NXPE2: variants seen among roughly 807,000 people sequenced by gnomAD.
The protein encoded by NXPE2 is neurexophilin and PC-esterase domain family member 2, also known as NXPE family member 2.
A neutral mutation model predicts 34.4 loss-of-function variants in NXPE2; 34 were observed. The observed-to-expected ratio is 0.99, with a 90% CI of 0.75 to 1.31. NXPE2 has a LOEUF of 1.31. Ranked by LOEUF, NXPE2 falls within the 40% of genes most tolerant of loss-of-function variation. The probability of loss-of-function intolerance (pLI) is 0.00; values close to 1 mark genes in which losing one functional copy is unlikely to be tolerated. For synonymous variants in NXPE2, 235 were observed against 231.3 expected (o/e 1.02, Z -0.15); for missense variants, 649 against 672.5 (o/e 0.97, Z 0.39).
the NXPE2 span, among the ~76,000 whole-genome samples, chr11:114,547,476 T>C: frequency 4.4e-3 from 668 of 152,324 alleles, 10 homozygotes; most frequent in African/African-American, 0.015. Context: ...GGCTCACGCC[T>C]GTAATCCCAG....
the NXPE2 span, among the ~76,000 whole-genome samples, chr11:114,722,415 C>CTT: frequency 1.4e-4 from 21 of 146,390 alleles, no homozygotes; most frequent in African/African-American, 5.0e-4. Flanking sequence ...AATTAAACCT[C>CTT]TTTTTTTTTT....
At chr11:114,512,461 T>G in the NXPE2 span, among the ~76,000 whole-genome samples, 2 of 151,908 alleles carry the variant, frequency 1.3e-5, no homozygotes, top group African/African-American at 2.4e-5. Flanking sequence ...GCCACGTAAG[T>G]TTAATAAAGG....
chr11:114,678,151 G>A (rs76649765), upstream of NXPE2, among the ~76,000 whole-genome samples: 3 of 152,070 alleles, frequency 2.0e-5, no homozygotes, highest in Non-Finnish European at 4.4e-5. Flanking sequence ...TTCAGGAACC[G>A]TGGACTCAGG....
the NXPE2 span, among the ~76,000 whole-genome samples, chr11:114,811,654 G>A: frequency 2.0e-5 from 3 of 152,314 alleles, no homozygotes; most frequent in East Asian, 3.9e-4. Flanking sequence ...GGACTTACAA[G>A]TGCAAACCCC....
At chr11:114,527,906 A>C in the NXPE2 span, 3 of 930,632 alleles carry the variant, frequency 3.2e-6, no homozygotes, top group Non-Finnish European at 4.2e-6. Context: ...TTGGACCTTC[A>C]AAAAAAAAAT....
chr11:114,530,244 A>G, the NXPE2 span: 1 of 1,614,124 alleles, frequency 6.2e-7, no homozygotes, highest in South Asian at 1.1e-5. Flanking sequence ...CATGTAGGTC[A>G]GAGCCTCACA....
At chr11:114,700,678 A>C (rs868174717) in intron 3 of NXPE2, among the ~76,000 whole-genome samples, 4 of 152,214 alleles carry the variant, frequency 2.6e-5, no homozygotes, top group Non-Finnish European at 4.4e-5. Flanking sequence ...TGAATAAAAA[A>C]AAATAAGTAA....
the NXPE2 span, among the ~76,000 whole-genome samples, chr11:114,756,370 G>A: frequency 6.6e-6 from 1 of 152,150 alleles, no homozygotes; most frequent in Non-Finnish European, 1.5e-5. Context: ...TATTAAGGTT[G>A]TTGTGAGGAT....
the NXPE2 span, among the ~76,000 whole-genome samples, chr11:114,734,198 A>C: frequency 6.6e-6 from 1 of 152,134 alleles, no homozygotes; most frequent in African/African-American, 2.4e-5. Context: ...TGGTCTTTCT[A>C]GGTTTTCTAT....
the NXPE2 span, among the ~76,000 whole-genome samples, chr11:114,594,208 AT>A: frequency 6.6e-6 from 1 of 152,154 alleles, no homozygotes; most frequent in Non-Finnish European, 1.5e-5. Context: ...ACAAGAAAGG[AT>A]AAATTCTTGA....
the NXPE2 span, among the ~76,000 whole-genome samples, chr11:114,601,643 A>G: frequency 5.4e-5 from 4 of 73,778 alleles, 1 homozygote; most frequent in African/African-American, 2.2e-4. Flanking sequence ...ATAATTATAT[A>G]TAATTATATA....
At chr11:114,675,887 G>A (rs762972094), upstream of NXPE2, among the ~76,000 whole-genome samples, 10 of 151,852 alleles carry the variant, frequency 6.6e-5, no homozygotes, top group Non-Finnish European at 1.3e-4. Context: ...CATGGTATGG[G>A]CATAAAAACA....
chr11:114,611,173 A>T, the NXPE2 span, among the ~76,000 whole-genome samples: 1 of 151,120 alleles, frequency 6.6e-6, no homozygotes, highest in Non-Finnish European at 1.5e-5. Flanking sequence ...GGACTGTCTC[A>T]TGGGTAACCA....
intron 3 of NXPE2, among the ~76,000 whole-genome samples, chr11:114,701,706 C>T (rs1951368336): frequency 6.6e-6 from 1 of 152,178 alleles, no homozygotes. Context: ...CTTTCCTTCT[C>T]ACGAATACAG....
At chr11:114,805,821 C>T in the NXPE2 span, among the ~76,000 whole-genome samples, 1 of 152,218 alleles carries the variant, frequency 6.6e-6, no homozygotes, top group Non-Finnish European at 1.5e-5. Flanking sequence ...CTTAAATGTC[C>T]CTCTCTGACA....
the NXPE2 span, among the ~76,000 whole-genome samples, chr11:114,574,899 C>A: frequency 6.6e-6 from 1 of 151,988 alleles, no homozygotes; most frequent in South Asian, 2.1e-4. Context: ...AAGAAAACTA[C>A]AGACCAGTAA....
chr11:114,627,444 C>T, the NXPE2 span, among the ~76,000 whole-genome samples: 1 of 149,828 alleles, frequency 6.7e-6, no homozygotes, highest in African/African-American at 2.5e-5. Flanking sequence ...AGGAGAAATA[C>T]AATACTTTAC....
At chr11:114,662,918 G>A in the NXPE2 span, among the ~76,000 whole-genome samples, 1 of 152,130 alleles carries the variant, frequency 6.6e-6, no homozygotes, top group Non-Finnish European at 1.5e-5. Context: ...TATATTGAGG[G>A]CCTTGGGTGA....
chr11:114,706,409 G>T lies in NXPE2; in HGVS notation c.1159G>T (p.Asp387Tyr). ...QKAVKTLKYF[D>Y]HHGAGIFKTH... is the part of the protein sequence containing the mutation. The stretch of plus-strand genomic sequence containing the variant: ...TCTTTCATCAGCCCTAAAATATTTT[G>T]ATCATCATGGAGCTGGGATCTTTAA... The change falls in exon 6 of 6, where the codon GAT becomes TAT. Residue 387 changes from aspartate to tyrosine, a missense_variant. By Grantham distance (160) the Asp-to-Tyr change is radical. Coordinates refer to ENST00000389586, the MANE Select transcript of NXPE2 (RefSeq NM_182495.6). The T allele has an allele frequency of 6.5e-7, 1 of 1,531,308 alleles. No individual in the cohort carries two copies. Among genetic ancestry groups the T allele is most frequent in the South Asian group, 1.2e-5 (1 of 81,054 alleles). 94.9% of individuals were successfully genotyped at this position (1,531,308 alleles called of 1,614,324 possible).
Sources: allele counts gnomAD v4.1 joint callset (sites outside exome capture counted in the v4.1 genomes callset), GRCh38; gene constraint gnomAD v4.1.1; transcripts MANE v1.5; gene names NCBI Gene and HGNC (gene_info 2026-07-23, HGNC 2026-07-21).